CADPS: variants seen among roughly 807,000 people sequenced by gnomAD.
The protein encoded by CADPS is calcium-dependent secretion activator 1.
CADPS carries 57 observed loss-of-function variants against 167.3 expected under a neutral mutation model. The ratio of observed to expected loss-of-function variants is 0.34; its 90% CI spans 0.28 to 0.42. The LOEUF (loss-of-function observed/expected upper bound fraction) is 0.42. Among genes scored for constraint, CADPS ranks in the 20% least tolerant of loss-of-function variants. The pLI is 1.00. For synonymous variants in CADPS, 676 were observed against 635.3 expected (o/e 1.06, Z -0.96); for missense variants, 1,414 against 1,738.1 (o/e 0.81, Z 3.32).
chr3:62,686,544 GTGA>G (rs34318874), intron 3 of CADPS, among the ~76,000 whole-genome samples: 12,054 of 152,078 alleles, frequency 0.079, 630 homozygotes, highest in Non-Finnish European at 0.12. Context: ...TACACTACAA[GTGA>G]TGATATAAGA....
At position 62,818,283 on chromosome 3, in the gene CADPS, T is replaced by G. The variant is rs562238911; in HGVS notation, c.442-52299A>C. ...GAGTCCTTCAGGGACCCACACTACA[T>G]CTACTGTATCAAAATCTCAGGGGAG... On this transcript the variant is annotated intron_variant, in intron 1 of 29. Coordinates refer to ENST00000383710, the MANE Select transcript of CADPS (RefSeq NM_003716.4). Among the ~76,000 whole-genome samples the G allele has an allele frequency of 3.2e-4, 49 of 152,196 alleles. 3 individuals are homozygous for G. The South Asian group carries it at 1.0e-2, about 31-fold the overall frequency.
At chr3:62,502,848 G>A (rs1373492819) in intron 17 of CADPS, among the ~76,000 whole-genome samples, 1 of 151,974 alleles carries the variant, frequency 6.6e-6, no homozygotes, top group East Asian at 1.9e-4. Context: ...GAGCTGCTTG[G>A]GTAGGTGAAG....
At chr3:62,520,732 T>C (rs556011968) in intron 13 of CADPS, among the ~76,000 whole-genome samples, 1 of 152,306 alleles carries the variant, frequency 6.6e-6, no homozygotes, top group South Asian at 2.1e-4. Flanking sequence ...ATGGTATTGG[T>C]AACAGGAGAT....
chr3:62,619,164 T>C (rs1367357367), intron 6 of CADPS, among the ~76,000 whole-genome samples: 1 of 152,180 alleles, frequency 6.6e-6, no homozygotes, highest in Non-Finnish European at 1.5e-5. Context: ...AGTTGAAGTA[T>C]TTGCTATTTT....
chr3:62,682,969 C>G (rs1197115187), intron 3 of CADPS, among the ~76,000 whole-genome samples: 3 of 152,034 alleles, frequency 2.0e-5, no homozygotes, highest in Non-Finnish European at 4.4e-5. Context: ...TAGAAGTTAA[C>G]CAGGCAAAGA....
At chr3:62,844,883 A>G (rs2077166769) in intron 1 of CADPS, among the ~76,000 whole-genome samples, 1 of 152,218 alleles carries the variant, frequency 6.6e-6, no homozygotes, top group Non-Finnish European at 1.5e-5. Flanking sequence ...ATTCTGGTTA[A>G]TTAAACAGGA....
chr3:62,685,011 T>C (rs1349750402), intron 3 of CADPS, among the ~76,000 whole-genome samples: 1 of 143,644 alleles, frequency 7.0e-6, no homozygotes, highest in Non-Finnish European at 1.5e-5. Context: ...CCTGAACTTA[T>C]AGCTCACAAT....
intron 3 of CADPS, among the ~76,000 whole-genome samples, chr3:62,741,570 A>G (rs1430183869): frequency 2.0e-5 from 3 of 152,240 alleles, no homozygotes; most frequent in Non-Finnish European, 4.4e-5. Flanking sequence ...ATAAAATCCA[A>G]CATCCATTCA....
intron 8 of CADPS, among the ~76,000 whole-genome samples, chr3:62,578,403 G>A (rs1447230589): frequency 2.0e-5 from 3 of 151,916 alleles, no homozygotes; most frequent in African/African-American, 7.3e-5. Flanking sequence ...GAGGTCAGGA[G>A]ATCGAGACAA....
Position 62,532,748 on chromosome 3 carries a change from T to C in CADPS, c.2291+123A>G, listed in dbSNP as rs1577323493. The C allele has an allele frequency of 6.4e-6, 4 of 625,584 alleles. No homozygotes were observed. In the Middle Eastern group the frequency reaches 1.8e-3, roughly 278 times the overall value. 38.8% of individuals were successfully genotyped at this position (625,584 alleles called of 1,614,324 possible). ...GTGTGTGTGTGTGTGTGTGTGTGTGTGTACGTGTGCACATACCACCGAAGG... is the reference window on the plus strand; with the variant it reads ...GTGTGTGTGTGTGTGTGTGTGTGTGCGTACGTGTGCACATACCACCGAAGG... On this transcript the variant is annotated intron_variant, in intron 13 of 29. Coordinates refer to ENST00000383710, the MANE Select transcript of CADPS (RefSeq NM_003716.4).
chr3:62,742,715 G>A (rs2080544729), intron 3 of CADPS, among the ~76,000 whole-genome samples: 1 of 152,122 alleles, frequency 6.6e-6, no homozygotes, highest in Admixed American at 6.5e-5. Context: ...CATAGGCACG[G>A]CAAAGATTTC....
rs562736405 is a variant in CADPS at position 62,431,415 on chromosome 3, A to T, written c.3777+6689T>A. Among the ~76,000 whole-genome samples the T allele has an allele frequency of 9.2e-5, 14 of 151,640 alleles. No homozygotes were observed. The South Asian group carries it at 2.7e-3, about 29-fold the overall frequency. ...AGCCCCCCCTCAATCTTTTTTTTTT[A>T]AACTAGCTTCAGAAGTTTTCCTTAC... On this transcript the variant is annotated intron_variant, in intron 28 of 29. Transcript: ENST00000383710.
intron 1 of CADPS, 96 bp from the exon 2 acceptor site, chr3:62,766,080 G>A: frequency 1.2e-6 from 1 of 827,210 alleles, no homozygotes; most frequent in Non-Finnish European, 2.0e-6. Context: ...TTGGTGTATT[G>A]GAGCTGGCTT....
In CADPS at chr3:62,544,241, C is replaced by A. The variant is rs986792977; in HGVS notation, c.1966+5662G>T. Among the ~76,000 whole-genome samples, 3 of 152,066 alleles carry A rather than the reference C, an allele frequency of 2.0e-5. No individual in the cohort carries two copies. Among genetic ancestry groups the A allele is most frequent in the Admixed American group, 2.0e-4 (3 of 15,232 alleles). On this transcript the variant is annotated intron_variant, in intron 11 of 29. Coordinates refer to ENST00000383710, the MANE Select transcript of CADPS (RefSeq NM_003716.4). The surrounding 1 kb of genome is among the most constrained non-coding windows in gnomAD (Gnocchi z 4.4). Reference sequence around the variant, plus strand: ...TCTTACATTAGAGCACACCCTTAAGCCAGCTAGAATGAACTCTTTAGTGTT... The same window carrying A: ...TCTTACATTAGAGCACACCCTTAAGACAGCTAGAATGAACTCTTTAGTGTT...
chr3:62,476,533 G>T (rs1007353229), intron 23 of CADPS, among the ~76,000 whole-genome samples: 5 of 152,116 alleles, frequency 3.3e-5, no homozygotes, highest in Non-Finnish European at 5.9e-5. Flanking sequence ...CTGAGACCTG[G>T]GGAGGGTAAG....
intron 9 of CADPS, among the ~76,000 whole-genome samples, chr3:62,560,931 T>C (rs529186545): frequency 4.0e-5 from 6 of 151,838 alleles, no homozygotes; most frequent in African/African-American, 9.7e-5. Context: ...ATACAAAAAT[T>C]AGCTGGACGT....
In CADPS at chr3:62,533,053, C is replaced by A. The variant is rs1217277148; in HGVS notation, c.2109G>T (p.Trp703Cys). The change falls in exon 13 of 30, where the codon TGG (tryptophan) becomes TGT (cysteine). Residue 703 changes from tryptophan to cysteine, a missense_variant. Transcript: ENST00000383710. ...GTACAAACACCTGGCCAGGACTGAA[C>A]CAGCCCTATATAAAGAATAAAGGAG... ...RLNDSYSCLG[W>C]FSPGQVFVLD... is the part of the protein sequence containing the mutation. The A allele has an allele frequency of 6.2e-7, 1 of 1,613,224 alleles. No individual in the cohort carries two copies. The highest frequency in any genetic ancestry group is 8.5e-7 in the Non-Finnish European group (1 of 1,179,410).
rs542873864 is a variant in CADPS, at chr3:62,497,449, T to C, written c.2706+1713A>G. Among the ~76,000 whole-genome samples the C allele has an allele frequency of 7.2e-5, 11 of 152,298 alleles. No individual in the cohort carries two copies. The South Asian group carries it at 2.3e-3, about 32-fold the overall frequency. ...CTCCATGCCTCTGGAGATGACTTTG[T>C]AGACACGTGGGAAGAACACACTTAC... is the stretch of plus-strand genomic sequence containing the variant. On this transcript the variant is annotated intron_variant, in intron 18 of 29. Coordinates refer to ENST00000383710, the MANE Select transcript of CADPS (RefSeq NM_003716.4).
At chr3:62,571,016 T>C in intron 8 of CADPS, 78 bp from the exon 9 acceptor site, 1 of 981,096 alleles carries the variant, frequency 1.0e-6, no homozygotes, top group South Asian at 1.3e-5. Flanking sequence ...CCGTGAAGCT[T>C]GGTACTTATA....
Sources: gnomAD v4.1 joint callset for allele counts (sites outside exome capture counted in the v4.1 genomes callset) on GRCh38, gnomAD v4.1.1 for gene constraint, Gnocchi (gnomAD v3.1) non-coding constraint, MANE v1.5 for transcripts, NCBI Gene and HGNC (gene_info 2026-07-23, HGNC 2026-07-21) for gene names.